The following TPST1 variants were observed in gnomAD, a reference collection of about 807,000 sequenced individuals.
TPST1 encodes the protein protein-tyrosine sulfotransferase 1.
A neutral mutation model predicts 34.8 loss-of-function variants in TPST1; 20 were observed. The ratio of observed to expected loss-of-function variants is 0.57; its 90% CI spans 0.40 to 0.84. The LOEUF (loss-of-function observed/expected upper bound fraction) is 0.84, where lower values mean the gene tolerates loss of function less well. Among genes scored for constraint, TPST1 ranks in the 40% least tolerant of loss-of-function variants. TPST1 has a pLI of 0.00. For synonymous variants in TPST1, 152 were observed against 159.4 expected (o/e 0.95, Z 0.35); for missense variants, 353 against 455.5 (o/e 0.78, Z 2.05).
chr7:66,267,960 G>A (rs1253013325), intron 2 of TPST1, among the ~76,000 whole-genome samples: 1 of 140,954 alleles, frequency 7.1e-6, no homozygotes, highest in Non-Finnish European at 1.6e-5. Flanking sequence ...CCTTCCTTTC[G>A]TCCTTTTTTT....
intron 3 of TPST1, among the ~76,000 whole-genome samples, chr7:66,317,061 T>G (rs1791647371): frequency 6.6e-6 from 1 of 152,206 alleles, no homozygotes; most frequent in Non-Finnish European, 1.5e-5. Flanking sequence ...CATGTTCCCC[T>G]GAACTTAAAA....
At chr7:66,304,385 G>A (rs1290267713) in intron 3 of TPST1, among the ~76,000 whole-genome samples, 1 of 152,194 alleles carries the variant, frequency 6.6e-6, no homozygotes, top group Non-Finnish European at 1.5e-5. Flanking sequence ...TGGAGCGACT[G>A]CATCTGACTG....
chr7:66,357,012 G>C, intron 5 of TPST1, 141 bp downstream of exon 5: 2 of 712,332 alleles, frequency 2.8e-6, no homozygotes, highest in South Asian at 1.7e-5. Context: ...CTGTGTGGAA[G>C]CAAGCACATT....
intron 3 of TPST1, among the ~76,000 whole-genome samples, chr7:66,338,998 G>A (rs926682450): frequency 2.7e-5 from 4 of 150,912 alleles, no homozygotes; most frequent in Non-Finnish European, 5.9e-5. Context: ...TAATAAAAGA[G>A]CAGAAGTAAA....
chr7:66,203,245 T>G (rs1789052549), upstream of TPST1, among the ~76,000 whole-genome samples: 1 of 151,868 alleles, frequency 6.6e-6, no homozygotes, highest in Non-Finnish European at 1.5e-5. Flanking sequence ...TTATTATTTT[T>G]TTTTTTGGGT....
intron 3 of TPST1, among the ~76,000 whole-genome samples, chr7:66,343,516 C>T (rs568190988): frequency 6.6e-6 from 1 of 152,224 alleles, no homozygotes; most frequent in South Asian, 2.1e-4. Context: ...ACACAAAATA[C>T]CCTTGTAACC....
chr7:66,299,351 AGAATATTTTGCTG>A (rs2116026722), intron 3 of TPST1, among the ~76,000 whole-genome samples: 3 of 127,196 alleles, frequency 2.4e-5, no homozygotes, highest in African/African-American at 9.1e-5. Context: ...TTTTAATTTG[AGAATATTTTGCTG>A]GACATAGAGT....
chr7:66,238,602 C>T (rs1404116167), intron 1 of TPST1, among the ~76,000 whole-genome samples: 2 of 152,188 alleles, frequency 1.3e-5, no homozygotes, highest in East Asian at 1.9e-4. Context: ...TCAGTCTTTG[C>T]TCTTAAAGCC....
intron 3 of TPST1, among the ~76,000 whole-genome samples, chr7:66,309,601 A>G (rs573490100): frequency 6.6e-6 from 1 of 152,306 alleles, no homozygotes; most frequent in East Asian, 1.9e-4. Flanking sequence ...TACCAAGGGA[A>G]GAAAGGTGGT....
rs528828672 is a variant in TPST1, at chr7:66,355,486, C to A, written c.1096-1339C>A. On this transcript the variant is annotated intron_variant, in intron 4 of 5. Coordinates refer to ENST00000304842, the MANE Select transcript of TPST1 (RefSeq NM_003596.4). ...CGAGACTCCCTCTCAAAAAAAAAAACAAAAAACAAACAAACAAAAAACTCA... is the reference window on the plus strand; with the variant it reads ...CGAGACTCCCTCTCAAAAAAAAAAAAAAAAAACAAACAAACAAAAAACTCA... Among the ~76,000 whole-genome samples the A allele has an allele frequency of 2.1e-4, 31 of 148,848 alleles. 1 individual carries two copies. In the South Asian group the frequency reaches 6.2e-3, roughly 30 times the overall value.
At chr7:66,264,040 C>T (rs1265894050) in intron 2 of TPST1, among the ~76,000 whole-genome samples, 1 of 152,186 alleles carries the variant, frequency 6.6e-6, no homozygotes, top group Non-Finnish European at 1.5e-5. Flanking sequence ...CTGGAGGGAG[C>T]AGAACAGACC....
intron 2 of TPST1, among the ~76,000 whole-genome samples, chr7:66,257,996 C>T (rs567398260): frequency 6.6e-6 from 1 of 152,266 alleles, no homozygotes; most frequent in African/African-American, 2.4e-5. Flanking sequence ...CTTTGAATTT[C>T]TGGAAAAAAC....
At chr7:66,207,555 C>T (rs1226465096) in intron 1 of TPST1, among the ~76,000 whole-genome samples, 1 of 152,156 alleles carries the variant, frequency 6.6e-6, no homozygotes, top group Non-Finnish European at 1.5e-5. Context: ...TGATGCTTCC[C>T]TTTTCTTTTT....
intron 2 of TPST1, among the ~76,000 whole-genome samples, chr7:66,262,001 G>A (rs992852771): frequency 2.6e-5 from 4 of 152,190 alleles, no homozygotes; most frequent in African/African-American, 7.2e-5. Context: ...GCATATGGGT[G>A]TGTGTATGTA....
chr7:66,243,571 G>A (rs1723025733), intron 2 of TPST1, among the ~76,000 whole-genome samples: 2 of 150,790 alleles, frequency 1.3e-5, no homozygotes, highest in Non-Finnish European at 2.9e-5. Flanking sequence ...AGCCTCCCGA[G>A]TAGCTGGGAT....
At chr7:66,251,544 T>C (rs1184586111) in intron 2 of TPST1, among the ~76,000 whole-genome samples, 1 of 152,180 alleles carries the variant, frequency 6.6e-6, no homozygotes, top group South Asian at 2.1e-4. Flanking sequence ...AAAGGTAGTC[T>C]TGAAGTCATG....
chr7:66,232,916 G>A (rs1789828487), intron 1 of TPST1, among the ~76,000 whole-genome samples: 1 of 152,020 alleles, frequency 6.6e-6, no homozygotes, highest in South Asian at 2.1e-4. Flanking sequence ...GGTGTCAAGT[G>A]GTATCTCATT....
chr7:66,356,925 A>T, intron 5 of TPST1, 54 bp downstream of exon 5: 1 of 1,597,472 alleles, frequency 6.3e-7, no homozygotes, highest in Non-Finnish European at 8.6e-7. Flanking sequence ...GGGCTCTTGC[A>T]GGGGGCTGGG....
chr7:66,334,439 C>A (rs1327416790), intron 3 of TPST1, among the ~76,000 whole-genome samples: 1 of 151,718 alleles, frequency 6.6e-6, no homozygotes, highest in African/African-American at 2.4e-5. Flanking sequence ...AGTTCGAGAC[C>A]AGCCTGGCCA....
Sources: gnomAD v4.1 joint callset for allele counts (sites outside exome capture counted in the v4.1 genomes callset) on GRCh38, gnomAD v4.1.1 for gene constraint, MANE v1.5 for transcripts, NCBI Gene and HGNC (gene_info 2026-07-23, HGNC 2026-07-21) for gene names.